PBX1: variants seen among roughly 807,000 people sequenced by gnomAD.
The protein encoded by PBX1 is pre-B-cell leukemia transcription factor 1.
In PBX1, 6 loss-of-function variants were observed where a neutral mutation model predicts 53.4. The observed-to-expected ratio is 0.11, with a 90% confidence interval of 0.06 to 0.22. The LOEUF (loss-of-function observed/expected upper bound fraction) is 0.22. PBX1 is among the 10% of genes least tolerant of loss of function. PBX1 has a pLI of 1.00. For missense variants in PBX1, 251 were observed against 551.4 expected, an observed-to-expected ratio of 0.46 and a Z score of 5.46; for synonymous variants, 204 against 212.3, an observed-to-expected ratio of 0.96 and a Z score of 0.34.
At chr1:164,756,507 A>T (rs1360489339) in intron 2 of PBX1, among the ~76,000 whole-genome samples, 2 of 152,224 alleles carry the variant, frequency 1.3e-5, no homozygotes, top group African/African-American at 4.8e-5. Context: ...GTTGCAATTT[A>T]AAAAACGTAC....
intron 2 of PBX1, among the ~76,000 whole-genome samples, chr1:164,658,747 A>T (rs1660315642): frequency 6.6e-6 from 1 of 152,210 alleles, no homozygotes; most frequent in Non-Finnish European, 1.5e-5. Flanking sequence ...GTTACCTTAT[A>T]ATAATAACAG....
intron 2 of PBX1, chr1:164,769,368 A>G (rs944903396): frequency 6.6e-6 from 1 of 152,150 alleles, no homozygotes; most frequent in Non-Finnish European, 1.5e-5. Flanking sequence ...TGCAGGGTAA[A>G]GTGTGACACA....
chr1:164,781,723 T>C (rs1017455647), intron 2 of PBX1, among the ~76,000 whole-genome samples: 1 of 152,140 alleles, frequency 6.6e-6, no homozygotes, highest in African/African-American at 2.4e-5. Flanking sequence ...TGGGCCTTCT[T>C]TTGCCTCTGC....
intron 2 of PBX1, among the ~76,000 whole-genome samples, chr1:164,878,495 G>A (rs1021609845): frequency 3.3e-5 from 5 of 152,276 alleles, no homozygotes; most frequent in African/African-American, 1.2e-4. Context: ...AGACTGTGAA[G>A]TATGCAGTCA....
chr1:164,580,218 G>T (rs760477273), intron 2 of PBX1, among the ~76,000 whole-genome samples: 1 of 152,130 alleles, frequency 6.6e-6, no homozygotes, highest in Admixed American at 6.5e-5. Context: ...TTCAAAACTC[G>T]CCTTGAGCTT....
At chr1:164,822,653 C>T (rs556330938) in intron 8 of PBX1, among the ~76,000 whole-genome samples, 67 of 152,214 alleles carry the variant, frequency 4.4e-4, no homozygotes, top group South Asian at 3.1e-3. Flanking sequence ...TCAGTTATTT[C>T]TCAGATCAGA....
rs1197524297 is a variant in PBX1, at chr1:164,649,935, C to CA, written c.265+86633dup. ...AAACTTTGCTTGAGAAGTCCATGGC[C>CA]AAAAAAAAACAAAGATATTTGGCTT... On this transcript the variant is annotated intron_variant, in intron 2 of 8. Coordinates refer to ENST00000420696, the MANE Select transcript of PBX1 (RefSeq NM_002585.4). Among the ~76,000 whole-genome samples, 61 of 147,488 alleles carry CA rather than the reference C, an allele frequency of 4.1e-4. No individual in the cohort carries two copies. In the East Asian group the frequency reaches 5.9e-3, roughly 14 times the overall value.
At chr1:164,704,771 T>C (rs138251762) in intron 2 of PBX1, among the ~76,000 whole-genome samples, 129 of 152,310 alleles carry the variant, frequency 8.5e-4, no homozygotes, top group African/African-American at 2.9e-3. Context: ...TTGAAGGATG[T>C]CTCAGGTAGA....
chr1:164,768,880 C>G (rs572186087), intron 2 of PBX1, among the ~76,000 whole-genome samples: 1 of 152,110 alleles, frequency 6.6e-6, no homozygotes, highest in Non-Finnish European at 1.5e-5. Context: ...ATGGTGAAAT[C>G]TGTTTCTACT....
At chr1:164,878,529 G>A (rs1672569344) in intron 2 of PBX1, among the ~76,000 whole-genome samples, 1 of 152,132 alleles carries the variant, frequency 6.6e-6, no homozygotes, top group Non-Finnish European at 1.5e-5. Flanking sequence ...TATTACAGAT[G>A]ATGAAACTGA....
At chr1:164,698,243 T>G (rs1557949809) in intron 2 of PBX1, among the ~76,000 whole-genome samples, 1 of 152,138 alleles carries the variant, frequency 6.6e-6, no homozygotes, top group African/African-American at 2.4e-5. Flanking sequence ...GACTCCTACC[T>G]CTGAATGCCG....
chr1:164,718,632 C>T (rs1664245715), intron 2 of PBX1, among the ~76,000 whole-genome samples: 1 of 152,148 alleles, frequency 6.6e-6, no homozygotes, highest in Non-Finnish European at 1.5e-5. Context: ...TCTGGATTGC[C>T]TAGGCTTTGA....
intron 2 of PBX1, among the ~76,000 whole-genome samples, chr1:164,857,169 AC>A (rs373952103): frequency 6.6e-6 from 1 of 152,172 alleles, no homozygotes; most frequent in African/African-American, 2.4e-5. Flanking sequence ...TGTCACCTGT[AC>A]TTCTGGTGAC....
intron 2 of PBX1, among the ~76,000 whole-genome samples, chr1:164,583,871 G>C (rs1654785416): frequency 6.6e-6 from 1 of 152,176 alleles, no homozygotes; most frequent in African/African-American, 2.4e-5. Context: ...AGAAAACGAA[G>C]GCGCTTTAGG....
intron 2 of PBX1, among the ~76,000 whole-genome samples, chr1:164,780,626 G>C (rs1178790091): frequency 6.6e-6 from 1 of 152,162 alleles, no homozygotes; most frequent in Non-Finnish European, 1.5e-5. Flanking sequence ...GCACAGTGCT[G>C]AGATGAGAGA....
chr1:164,760,132 A>G (rs1571351903), intron 2 of PBX1, among the ~76,000 whole-genome samples: 2 of 152,176 alleles, frequency 1.3e-5, no homozygotes, highest in African/African-American at 4.8e-5. Flanking sequence ...ATTATGTGCA[A>G]TGACATCTTA....
intron 1 of PBX1, among the ~76,000 whole-genome samples, chr1:164,562,481 A>G (rs1277519439): frequency 6.6e-6 from 1 of 151,956 alleles, no homozygotes; most frequent in Non-Finnish European, 1.5e-5. Flanking sequence ...ACACACACAC[A>G]CACACACACA....
rs1439058903 is a variant in PBX1 at position 164,848,224 on chromosome 1, A to G, written c.*1548A>G. 1.9e-6 allele frequency: 2 copies of G among 1,052,274 alleles called. No individual in the cohort carries two copies. The highest frequency in any genetic ancestry group is 1.1e-6 in the Non-Finnish European group (1 of 871,170). 65.2% of individuals were successfully genotyped at this position (1,052,274 alleles called of 1,614,324 possible). On this transcript the variant is annotated 3_prime_UTR_variant, in exon 9 of 9. Transcript: ENST00000420696. Reference sequence around the variant, plus strand: ...AAAAATACATGAGAAAATAGCATGTATATGAAAGCTATTCTCAAAAGTCAC... The same window carrying G: ...AAAAATACATGAGAAAATAGCATGTGTATGAAAGCTATTCTCAAAAGTCAC...
chr1:164,726,886 G>A (rs374026953), intron 2 of PBX1, among the ~76,000 whole-genome samples: 2 of 152,252 alleles, frequency 1.3e-5, no homozygotes, highest in East Asian at 3.9e-4. Flanking sequence ...TCATGTGGAG[G>A]CAGAATTGGG....
Sources: gnomAD v4.1 joint callset for allele counts (sites outside exome capture counted in the v4.1 genomes callset) on GRCh38, gnomAD v4.1.1 for gene constraint, MANE v1.5 for transcripts, NCBI Gene and HGNC (gene_info 2026-07-23, HGNC 2026-07-21) for gene names.